Variants in NR2F1-AS1 observed in about 807,000 individuals in gnomAD.
The protein encoded by NR2F1-AS1 is NR2F1 antisense RNA 1.
chr5:93,504,613 C>G (rs1278204044), intron 4 of NR2F1-AS1, among the ~76,000 whole-genome samples: 2 of 151,884 alleles, frequency 1.3e-5, no homozygotes. Flanking sequence ...GCTGGGGAGG[C>G]CTCAGAATCA....
chr5:93,573,751 C>T (rs1172477270), intron 1 of NR2F1-AS1, among the ~76,000 whole-genome samples: 3 of 152,178 alleles, frequency 2.0e-5, no homozygotes, highest in Non-Finnish European at 4.4e-5. Flanking sequence ...AGCGATTTGA[C>T]CAGAGCATCC....
intron 4 of NR2F1-AS1, among the ~76,000 whole-genome samples, chr5:93,416,960 A>G (rs906907525): frequency 2.0e-5 from 3 of 152,232 alleles, no homozygotes; most frequent in African/African-American, 7.2e-5. Flanking sequence ...TCTATACATT[A>G]AAACTGACCC....
intron 4 of NR2F1-AS1, among the ~76,000 whole-genome samples, chr5:93,546,956 A>T (rs1752101544): frequency 6.6e-6 from 1 of 152,176 alleles, no homozygotes; most frequent in Admixed American, 6.5e-5. Flanking sequence ...ATCTTATCCC[A>T]TGAGTTGAAG....
chr5:93,533,945 A>G (rs1751784698), intron 4 of NR2F1-AS1, among the ~76,000 whole-genome samples: 1 of 152,064 alleles, frequency 6.6e-6, no homozygotes, highest in Non-Finnish European at 1.5e-5. Context: ...CCTGGCCAAC[A>G]TAGTGAAACT....
At chr5:93,496,971 G>A (rs1034403674) in intron 4 of NR2F1-AS1, among the ~76,000 whole-genome samples, 4 of 152,146 alleles carry the variant, frequency 2.6e-5, no homozygotes, top group Non-Finnish European at 4.4e-5. Context: ...CTTTCAATAA[G>A]GCAGCCTGCA....
At position 93,485,644 on chromosome 5, in the gene NR2F1-AS1, C is replaced by T. The variant is rs565985264; in HGVS notation, n.638+68117G>A. On this transcript the variant is annotated intron_variant and non_coding_transcript_variant, in intron 4 of 5. Transcript: ENST00000660523. The stretch of plus-strand genomic sequence containing the variant: ...CTGAAGGAGACAGACACATGAAAAA[C>T]CCTTCAAAAAGTCAATGAATTGACT... Among the ~76,000 whole-genome samples, 18 of 152,238 alleles carry T rather than the reference C, an allele frequency of 1.2e-4. No individual in the cohort carries two copies. The South Asian group carries it at 3.5e-3, about 30-fold the overall frequency.
At chr5:93,486,287 T>A (rs1363163499) in intron 4 of NR2F1-AS1, among the ~76,000 whole-genome samples, 3 of 150,020 alleles carry the variant, frequency 2.0e-5, no homozygotes, top group South Asian at 4.2e-4. Flanking sequence ...TTAATTTTTT[T>A]AAAAAAGTCA....
intron 4 of NR2F1-AS1, among the ~76,000 whole-genome samples, chr5:93,522,762 T>C (rs533364340): frequency 1.5e-4 from 23 of 150,528 alleles, no homozygotes; most frequent in Non-Finnish European, 2.4e-4. Context: ...CTCCCTCCCC[T>C]AGCCAAGGGA....
chr5:93,517,230 T>C (rs535707624), intron 4 of NR2F1-AS1, among the ~76,000 whole-genome samples: 43 of 152,114 alleles, frequency 2.8e-4, no homozygotes, highest in Middle Eastern at 3.4e-3. Flanking sequence ...TAAAGTACTA[T>C]ACAACTGCTG....
intron 4 of NR2F1-AS1, among the ~76,000 whole-genome samples, chr5:93,475,423 G>T (rs2149872400): frequency 6.6e-6 from 1 of 152,240 alleles, no homozygotes; most frequent in African/African-American, 2.4e-5. Flanking sequence ...TGTTGCCTTT[G>T]TTATTCTGCC....
chr5:93,461,016 A>T (rs1282179661), intron 4 of NR2F1-AS1, among the ~76,000 whole-genome samples: 1 of 152,232 alleles, frequency 6.6e-6, no homozygotes, highest in Non-Finnish European at 1.5e-5. Context: ...GCACTCTGTT[A>T]TAAAGATACA....
chr5:93,527,012 G>A (rs1341182287), intron 4 of NR2F1-AS1, among the ~76,000 whole-genome samples: 3 of 152,166 alleles, frequency 2.0e-5, no homozygotes, highest in South Asian at 2.1e-4. Flanking sequence ...TCAGGCAAGA[G>A]AAAGAAATAA....
At chr5:93,458,863 T>A (rs1445758954) in intron 4 of NR2F1-AS1, among the ~76,000 whole-genome samples, 1 of 151,618 alleles carries the variant, frequency 6.6e-6, no homozygotes, top group Admixed American at 6.6e-5. Context: ...TACAAAAAAA[T>A]TAGCTGGGTA....
intron 1 of NR2F1-AS1, among the ~76,000 whole-genome samples, chr5:93,565,404 T>A (rs1232955447): frequency 6.6e-6 from 1 of 152,080 alleles, no homozygotes; most frequent in Non-Finnish European, 1.5e-5. Flanking sequence ...TAAAAAAGTA[T>A]TTATTTAAAA....
At chr5:93,511,838 T>A (rs930955903) in intron 4 of NR2F1-AS1, among the ~76,000 whole-genome samples, 2 of 152,134 alleles carry the variant, frequency 1.3e-5, no homozygotes, top group East Asian at 3.9e-4. Flanking sequence ...CTCATGAGAA[T>A]CTAATGCCTG....
At chr5:93,509,191 A>C (rs1390723068) in intron 4 of NR2F1-AS1, among the ~76,000 whole-genome samples, 1 of 152,168 alleles carries the variant, frequency 6.6e-6, no homozygotes, top group African/African-American at 2.4e-5. Context: ...AAATCTCAAA[A>C]ACAGAATGCT....
intron 4 of NR2F1-AS1, among the ~76,000 whole-genome samples, chr5:93,415,668 A>G (rs1259124078): frequency 6.6e-6 from 1 of 152,178 alleles, no homozygotes; most frequent in Non-Finnish European, 1.5e-5. Context: ...GCAGTCCTGG[A>G]AAGTCAAAGG....
At chr5:93,581,442 C>A, upstream of NR2F1-AS1, 1 of 152,292 alleles carries the variant, frequency 6.6e-6, no homozygotes. Context: ...AAAAAAAAAT[C>A]CATTGAAAGA....
At chr5:93,572,458 G>T (rs772928399) in intron 1 of NR2F1-AS1, among the ~76,000 whole-genome samples, 2 of 152,202 alleles carry the variant, frequency 1.3e-5, no homozygotes, top group Non-Finnish European at 2.9e-5. Flanking sequence ...GCTCCTCTTC[G>T]CCTATCGGCC....
Sources: gnomAD v4.1 joint callset for allele counts (sites outside exome capture counted in the v4.1 genomes callset) on GRCh38, gnomAD v4.1.1 for gene constraint, MANE v1.5 for transcripts, NCBI Gene and HGNC (gene_info 2026-07-23, HGNC 2026-07-21) for gene names.